KCNB2: variants seen among roughly 807,000 people sequenced by gnomAD.
KCNB2 encodes the protein potassium voltage-gated channel subfamily B member 2, also known as delayed rectifier potassium channel protein.
KCNB2 carries 15 observed loss-of-function variants against 61.5 expected under a neutral mutation model. The ratio of observed to expected loss-of-function variants is 0.24; its 90% CI spans 0.16 to 0.38. KCNB2 has a LOEUF of 0.38. Ranked by LOEUF, KCNB2 falls within the 10% of genes least tolerant of loss-of-function variation. The pLI is 1.00. For missense variants in KCNB2, 828 were observed against 1,125.2 expected, an observed-to-expected ratio of 0.74 and a Z score of 3.78; for synonymous variants, 457 against 446.0, an observed-to-expected ratio of 1.02 and a Z score of -0.31.
intron 2 of KCNB2, among the ~76,000 whole-genome samples, chr8:72,866,463 T>C (rs1805520690): frequency 6.6e-6 from 1 of 152,216 alleles, no homozygotes; most frequent in African/African-American, 2.4e-5. Context: ...AAGTTTCTAC[T>C]GAACACCTTT....
intron 2 of KCNB2, among the ~76,000 whole-genome samples, chr8:72,834,062 GA>G (rs1163513700): frequency 2.6e-5 from 4 of 152,114 alleles, no homozygotes; most frequent in Non-Finnish European, 4.4e-5. Context: ...AGTACACTGA[GA>G]AATATATTCA....
intron 2 of KCNB2, among the ~76,000 whole-genome samples, chr8:72,898,301 G>A (rs1252496878): frequency 6.6e-6 from 1 of 151,936 alleles, no homozygotes; most frequent in East Asian, 1.9e-4. Context: ...GTGGGGTAGG[G>A]GAAGGGGGGA....
intron 2 of KCNB2, among the ~76,000 whole-genome samples, chr8:72,848,380 A>G (rs1251078342): frequency 1.3e-5 from 2 of 152,122 alleles, no homozygotes; most frequent in African/African-American, 4.8e-5. Flanking sequence ...TGGTGAAGGA[A>G]CAGTTTCTAC....
At chr8:72,647,321 T>C (rs1703812336) in intron 2 of KCNB2, among the ~76,000 whole-genome samples, 1 of 152,122 alleles carries the variant, frequency 6.6e-6, no homozygotes, top group Non-Finnish European at 1.5e-5. Context: ...GCTATTTAGA[T>C]ACTTAATTGT....
intron 2 of KCNB2, among the ~76,000 whole-genome samples, chr8:72,796,850 T>C (rs1000483983): frequency 6.6e-6 from 1 of 152,192 alleles, no homozygotes; most frequent in African/African-American, 2.4e-5. Flanking sequence ...AAAAGTATAC[T>C]CTGGGGTGCA....
chr8:72,617,427 A>G (rs1262205531), intron 2 of KCNB2, among the ~76,000 whole-genome samples: 1 of 152,116 alleles, frequency 6.6e-6, no homozygotes, highest in Non-Finnish European at 1.5e-5. Flanking sequence ...TTGGCACCCA[A>G]ATCAGATGTT....
chr8:72,859,886 A>G (rs1810271792), intron 2 of KCNB2, among the ~76,000 whole-genome samples: 1 of 150,930 alleles, frequency 6.6e-6, no homozygotes, highest in African/African-American at 2.4e-5. Context: ...TGCCTGGCTA[A>G]TTTTGTATTT....
intron 2 of KCNB2, among the ~76,000 whole-genome samples, chr8:72,780,549 C>G (rs902648408): frequency 6.6e-6 from 1 of 151,900 alleles, no homozygotes; most frequent in Non-Finnish European, 1.5e-5. Flanking sequence ...TCCTTCAGTC[C>G]AAAGTTTCTT....
At chr8:72,577,320 T>TGA (rs1448546476) in intron 2 of KCNB2, among the ~76,000 whole-genome samples, 2 of 151,556 alleles carry the variant, frequency 1.3e-5, no homozygotes, top group Admixed American at 6.6e-5. Flanking sequence ...TGTGTGTGTG[T>TGA]GAGAAAGAGA....
At chr8:72,858,643 A>C (rs1169052763) in intron 2 of KCNB2, among the ~76,000 whole-genome samples, 2 of 152,238 alleles carry the variant, frequency 1.3e-5, no homozygotes, top group Non-Finnish European at 2.9e-5. Flanking sequence ...CTCTCATACA[A>C]TGAAGAATAT....
intron 2 of KCNB2, among the ~76,000 whole-genome samples, chr8:72,674,162 C>G (rs577377586): frequency 3.9e-5 from 6 of 152,134 alleles, no homozygotes; most frequent in Non-Finnish European, 8.8e-5. Flanking sequence ...GAACCCTAAG[C>G]GTAACTCTGA....
At chr8:72,594,315 G>T (rs972380757) in intron 2 of KCNB2, among the ~76,000 whole-genome samples, 15 of 152,020 alleles carry the variant, frequency 9.9e-5, no homozygotes, top group African/African-American at 3.6e-4. Context: ...CTCAATCCCT[G>T]CCACTGAGCA....
intron 2 of KCNB2, among the ~76,000 whole-genome samples, chr8:72,753,168 G>C (rs1041488198): frequency 6.6e-6 from 1 of 152,174 alleles, no homozygotes; most frequent in African/African-American, 2.4e-5. Flanking sequence ...ATAGATTTTT[G>C]TTGGTAGGAG....
At chr8:72,567,459 C>G (rs1806641348) in intron 1 of KCNB2, among the ~76,000 whole-genome samples, 183 bp from the exon 2 acceptor site, 1 of 152,102 alleles carries the variant, frequency 6.6e-6, no homozygotes, top group South Asian at 2.1e-4. Flanking sequence ...TGTCTTTTCC[C>G]CCTTTCCTAT....
At chr8:72,670,019 C>T (rs768548956) in intron 2 of KCNB2, among the ~76,000 whole-genome samples, 2 of 152,210 alleles carry the variant, frequency 1.3e-5, no homozygotes, top group Admixed American at 6.5e-5. Flanking sequence ...TTAGCTGGAT[C>T]GCTTGACTAC....
chr8:72,913,542 G>T (rs1806338201), intron 2 of KCNB2, among the ~76,000 whole-genome samples: 1 of 152,194 alleles, frequency 6.6e-6, no homozygotes. Context: ...CTAGGTGCAA[G>T]GTCCCTGGAG....
intron 2 of KCNB2, among the ~76,000 whole-genome samples, chr8:72,784,526 G>A (rs1016135294): frequency 3.3e-5 from 5 of 152,122 alleles, no homozygotes; most frequent in African/African-American, 4.8e-5. Context: ...TGGGGAGGCC[G>A]CAGGAAACTT....
intron 2 of KCNB2, among the ~76,000 whole-genome samples, chr8:72,732,304 G>A (rs569438735): frequency 6.6e-6 from 1 of 152,240 alleles, no homozygotes; most frequent in East Asian, 1.9e-4. Flanking sequence ...ACAGTTTATC[G>A]GTCTGTCAAC....
intron 2 of KCNB2, among the ~76,000 whole-genome samples, chr8:72,756,798 T>C (rs1808297850): frequency 1.3e-5 from 2 of 152,014 alleles, no homozygotes; most frequent in African/African-American, 4.8e-5. Context: ...AAAGGTGGGG[T>C]CAGCAGACCA....
Sources: allele counts gnomAD v4.1 joint callset (sites outside exome capture counted in the v4.1 genomes callset), GRCh38; gene constraint gnomAD v4.1.1; transcripts MANE v1.5; gene names NCBI Gene and HGNC (gene_info 2026-07-23, HGNC 2026-07-21).